The following ARSG variants were observed in gnomAD, a reference collection of about 807,000 sequenced individuals.
ARSG encodes ASG.
ARSG carries 37 observed loss-of-function variants against 50.5 expected under a neutral mutation model. That is an observed-to-expected ratio of 0.73 (90% CI 0.56 to 0.96). ARSG has a LOEUF of 0.96. Among genes scored for constraint, ARSG ranks in the 50% least tolerant of loss-of-function variants. The probability of loss-of-function intolerance (pLI) is 0.00; values close to 1 mark genes in which losing one functional copy is unlikely to be tolerated. For missense variants in ARSG, 629 were observed against 675.3 expected (o/e 0.93, Z 0.76); for synonymous variants, 225 against 254.6 (o/e 0.88, Z 1.11).
chr17:68,379,421 ATTTTTTTTTTTTTT>A (rs375841879), intron 8 of ARSG, among the ~76,000 whole-genome samples: 2 of 72,248 alleles, frequency 2.8e-5, no homozygotes, highest in Non-Finnish European at 4.7e-5. Context: ...GAACACTACA[ATTTTTTTTTTTTTT>A]TTTTTTTTTT....
At chr17:68,432,170 G>A in the ARSG span, among the ~76,000 whole-genome samples, 1 of 152,180 alleles carries the variant, frequency 6.6e-6, no homozygotes, top group Admixed American at 6.5e-5. Flanking sequence ...GAAAGATGAA[G>A]GAGCGAGAAG....
intron 11 of ARSG, among the ~76,000 whole-genome samples, chr17:68,409,904 C>T (rs2081924168): frequency 6.7e-6 from 1 of 149,054 alleles, no homozygotes; most frequent in Admixed American, 6.6e-5. Flanking sequence ...GGAGTTCACT[C>T]ATGATTTGGC....
chr17:68,425,044 G>GTCT (rs2147724026), downstream of ARSG, among the ~76,000 whole-genome samples: 1 of 152,284 alleles, frequency 6.6e-6, no homozygotes, highest in Admixed American at 6.5e-5. Flanking sequence ...AGGGAATCTT[G>GTCT]TCTTCAGTTC....
the ARSG span, chr17:68,428,758 G>A: frequency 1.4e-4 from 169 of 1,227,360 alleles, no homozygotes; most frequent in Non-Finnish European, 1.7e-4. Flanking sequence ...GAAGCTTGTC[G>A]TTCTTGGCGA....
intron 11 of ARSG, among the ~76,000 whole-genome samples, chr17:68,417,733 ATT>A (rs770292731): frequency 4.9e-3 from 299 of 60,652 alleles, no homozygotes; most frequent in African/African-American, 0.018. Flanking sequence ...GAGTTGCTGA[ATT>A]TTTTTTTTTT....
At chr17:68,345,097 A>C (rs1422337994) in intron 3 of ARSG, among the ~76,000 whole-genome samples, 1 of 152,182 alleles carries the variant, frequency 6.6e-6, no homozygotes, top group Non-Finnish European at 1.5e-5. Flanking sequence ...TATGTTAACA[A>C]CATCAACACC....
intron 2 of ARSG, among the ~76,000 whole-genome samples, chr17:68,314,011 G>A (rs1237979737): frequency 6.6e-6 from 1 of 152,066 alleles, no homozygotes; most frequent in East Asian, 1.9e-4. Context: ...TTCTAACGCA[G>A]TCTATAATGT....
chr17:68,317,909 G>C (rs1235658632), intron 2 of ARSG, among the ~76,000 whole-genome samples: 1 of 152,176 alleles, frequency 6.6e-6, no homozygotes, highest in Non-Finnish European at 1.5e-5. Flanking sequence ...GACCAGCCTG[G>C]CCAATGTGGT....
chr17:68,319,117 C>T (rs1057175336), intron 2 of ARSG, among the ~76,000 whole-genome samples: 5 of 152,184 alleles, frequency 3.3e-5, no homozygotes, highest in Non-Finnish European at 5.9e-5. Context: ...GCAGAAAGGA[C>T]AGTCTAAACA....
intron 11 of ARSG, among the ~76,000 whole-genome samples, chr17:68,416,399 T>TTA (rs2082366156): frequency 6.6e-6 from 1 of 152,198 alleles, no homozygotes; most frequent in Non-Finnish European, 1.5e-5. Context: ...AGGTTTTCCT[T>TTA]TATAGGATAC....
At chr17:68,364,831 T>C (rs2079468490) in intron 6 of ARSG, among the ~76,000 whole-genome samples, 1 of 152,198 alleles carries the variant, frequency 6.6e-6, no homozygotes, top group Non-Finnish European at 1.5e-5. Flanking sequence ...CCACTCTATT[T>C]TCCATTCAGC....
chr17:68,261,867 G>C (rs2075075241), intron 1 of ARSG, among the ~76,000 whole-genome samples: 1 of 152,060 alleles, frequency 6.6e-6, no homozygotes, highest in South Asian at 2.1e-4. Context: ...GAAACAGTAA[G>C]AGAGGCTGGG....
At chr17:68,316,467 G>A (rs2077074024) in intron 2 of ARSG, among the ~76,000 whole-genome samples, 1 of 152,198 alleles carries the variant, frequency 6.6e-6, no homozygotes, top group Admixed American at 6.5e-5. Context: ...CTGGCACATG[G>A]TAGGTGCTCA....
the ARSG span, among the ~76,000 whole-genome samples, chr17:68,446,357 A>AT: frequency 6.6e-6 from 1 of 151,668 alleles, no homozygotes; most frequent in South Asian, 2.1e-4. Flanking sequence ...ATTTTTTGGT[A>AT]TTTTTTGTAG....
At chr17:68,343,819 C>T in intron 3 of ARSG, 28 bp downstream of exon 3, 1 of 1,582,566 alleles carries the variant, frequency 6.3e-7, no homozygotes, top group African/African-American at 1.3e-5. Flanking sequence ...CTGCCTGTTG[C>T]ATTTACTGCA....
At chr17:68,294,165 G>A (rs1476649762) in intron 1 of ARSG, among the ~76,000 whole-genome samples, 21 of 152,098 alleles carry the variant, frequency 1.4e-4, no homozygotes, top group South Asian at 8.3e-4. Flanking sequence ...CAAGTGGCAG[G>A]CAGAGCCCCC....
At chr17:68,313,044 G>A (rs1012640534) in intron 2 of ARSG, among the ~76,000 whole-genome samples, 3 of 152,062 alleles carry the variant, frequency 2.0e-5, no homozygotes, top group South Asian at 2.1e-4. Flanking sequence ...GGCAGATCAC[G>A]AGGTCAGGAG....
chr17:68,355,689 G>T (rs566747697), intron 5 of ARSG, among the ~76,000 whole-genome samples: 15 of 151,986 alleles, frequency 9.9e-5, no homozygotes, highest in South Asian at 4.2e-4. Flanking sequence ...TGATCTGCCT[G>T]CCTCAGCCTC....
At chr17:68,304,903 G>A (rs1320437698) in intron 1 of ARSG, among the ~76,000 whole-genome samples, 7 of 152,166 alleles carry the variant, frequency 4.6e-5, no homozygotes, top group African/African-American at 1.7e-4. Flanking sequence ...GCTGGATGTG[G>A]TGACTCATGC....
Sources: allele counts gnomAD v4.1 joint callset (sites outside exome capture counted in the v4.1 genomes callset), GRCh38; gene constraint gnomAD v4.1.1; transcripts MANE v1.5; gene names NCBI Gene and HGNC (gene_info 2026-07-23, HGNC 2026-07-21).